VEZT: variants seen among roughly 807,000 people sequenced by gnomAD.
VEZT encodes vezatin, adherens junctions transmembrane protein.
A neutral mutation model predicts 79.9 loss-of-function variants in VEZT; 39 were observed. That is an observed-to-expected ratio of 0.49 (90% CI 0.38 to 0.64). The LOEUF (loss-of-function observed/expected upper bound fraction) is 0.64. Ranked by LOEUF, VEZT falls within the 30% of genes least tolerant of loss-of-function variation. VEZT has a pLI of 0.00. For missense variants in VEZT, 837 were observed against 893.1 expected, an observed-to-expected ratio of 0.94 and a Z score of 0.80; for synonymous variants, 325 against 327.6, an observed-to-expected ratio of 0.99 and a Z score of 0.09.
rs2075332920 is a variant in VEZT at position 95,302,638 on chromosome 12, G to T, written c.*1965G>T. 2 of 151,970 alleles carry T rather than the reference G, an allele frequency of 1.3e-5. No homozygotes were observed. The highest frequency in any genetic ancestry group is 4.2e-4 in the South Asian group (2 of 4,800). The allele number at this position is 151,970 out of a possible 1,614,324, so 9.4% of individuals were successfully genotyped here. ...TCTCTCATAATATTTGAAGTCAGTGGTTCTCAGTTGTATTAGTGGGGTAAC... is the reference window on the plus strand; with the variant it reads ...TCTCTCATAATATTTGAAGTCAGTGTTTCTCAGTTGTATTAGTGGGGTAAC... On this transcript the variant is annotated 3_prime_UTR_variant, in exon 12 of 12. Transcript: ENST00000436874.
In VEZT at chr12:95,287,824, G is replaced by C; in HGVS notation, c.1489G>C (p.Asp497His). The change falls in exon 9 of 12, where the codon GAC becomes CAC. Residue 497 changes from aspartate to histidine, a missense_variant. Physicochemically the swap from Asp to His is moderately conservative, Grantham distance 81. Coordinates refer to ENST00000436874, the MANE Select transcript of VEZT (RefSeq NM_017599.4). Reference sequence around the variant, plus strand: ...CTGGGAAGAGGCCATTTCTCAGGTCGACAAACTGCTACGAAGAAATACAGA... The same window carrying C: ...CTGGGAAGAGGCCATTTCTCAGGTCCACAAACTGCTACGAAGAAATACAGA... ...NCWEEAISQV[D>H]KLLRRNTDKK... 6.2e-7 allele frequency: 1 copy of C among 1,604,986 alleles called. No individual in the cohort carries two copies. The highest frequency in any genetic ancestry group is 1.1e-5 in the South Asian group (1 of 88,968).
At position 95,280,472 on chromosome 12, in the gene VEZT, A is replaced by G. The variant is rs551512822; in HGVS notation, c.997-1841A>G. Among the ~76,000 whole-genome samples, 3 of 108,152 alleles carry G rather than the reference A, an allele frequency of 2.8e-5. No homozygotes were observed. In the South Asian group the frequency reaches 9.9e-4, roughly 36 times the overall value. The allele number at this position is 108,152 out of a possible 152,430, so 71.0% of individuals were successfully genotyped here. The stretch of plus-strand genomic sequence containing the variant: ...CTCTCCCCCCCTTTCATATGTGTAC[A>G]CACACATACACACACACACACACAC... On this transcript the variant is annotated intron_variant, in intron 7 of 11. Transcript: ENST00000436874.
At chr12:95,284,403 C>T (rs949453708) in intron 8 of VEZT, among the ~76,000 whole-genome samples, 2 of 152,184 alleles carry the variant, frequency 1.3e-5, no homozygotes, top group South Asian at 2.1e-4. Flanking sequence ...ATTGTCTCTT[C>T]CCTACACTAG....
chr12:95,258,294 G>A, intron 3 of VEZT: 1 of 455,734 alleles, frequency 2.2e-6, no homozygotes, highest in South Asian at 1.6e-5. Context: ...TAAGGTATAT[G>A]GATCCATATA....
At chr12:95,218,080 TG>T in intron 1 of VEZT, 194 bp downstream of exon 1, 1 of 426,914 alleles carries the variant, frequency 2.3e-6, no homozygotes, top group Non-Finnish European at 4.1e-6. Flanking sequence ...GCCCTGGCCG[TG>T]GCCGGCCTCT....
intron 1 of VEZT, among the ~76,000 whole-genome samples, chr12:95,240,182 T>C (rs1304475883): frequency 6.6e-6 from 1 of 152,134 alleles, no homozygotes; most frequent in African/African-American, 2.4e-5. Flanking sequence ...TGTGGACCTG[T>C]AGTATTGATA....
intron 1 of VEZT, among the ~76,000 whole-genome samples, chr12:95,251,226 G>A (rs2062553784): frequency 2.0e-5 from 3 of 152,124 alleles, no homozygotes; most frequent in Admixed American, 6.5e-5. Flanking sequence ...GGCCAGGCTG[G>A]TCTGAAACTC....
At chr12:95,265,042 G>A (rs1019972753) in intron 4 of VEZT, among the ~76,000 whole-genome samples, 3 of 151,550 alleles carry the variant, frequency 2.0e-5, no homozygotes, top group Non-Finnish European at 2.9e-5. Context: ...TAAATTTTTT[G>A]TAGAGAAGGG....
In VEZT at chr12:95,300,782, A is replaced by T. The variant is rs2075126689; in HGVS notation, c.*109A>T. The T allele has an allele frequency of 4.4e-6, 6 of 1,356,084 alleles. No homozygotes were observed. In the South Asian group the frequency reaches 1.2e-4, roughly 26 times the overall value. The allele number at this position is 1,356,084 out of a possible 1,614,324, so 84.0% of individuals were successfully genotyped here. A position where few individuals can be genotyped will look rare whatever the true frequency, so the allele number is the denominator to read the frequency against. ...TAAGTTTACTATATATAAAGCTAAG[A>T]TGTGGATTTACAGGAAGAACCCTGG... On this transcript the variant is annotated 3_prime_UTR_variant, in exon 12 of 12. Transcript: ENST00000436874.
At chr12:95,275,192 C>G (rs536155295) in intron 7 of VEZT, among the ~76,000 whole-genome samples, 2 of 152,184 alleles carry the variant, frequency 1.3e-5, no homozygotes, top group Non-Finnish European at 2.9e-5. Context: ...GATTTTATAA[C>G]TAGCCATTTG....
intron 7 of VEZT, among the ~76,000 whole-genome samples, chr12:95,279,112 C>A (rs1181250572): frequency 6.6e-6 from 1 of 152,166 alleles, no homozygotes; most frequent in African/African-American, 2.4e-5. Flanking sequence ...ATTTCTTATC[C>A]AAAATGCTTG....
At chr12:95,232,433 T>A (rs1431275224) in intron 1 of VEZT, among the ~76,000 whole-genome samples, 1 of 152,210 alleles carries the variant, frequency 6.6e-6, no homozygotes, top group Non-Finnish European at 1.5e-5. Context: ...TTCTGTAACT[T>A]GGGAATGGAA....
At chr12:95,254,868 G>A (rs1279851555) in intron 2 of VEZT, among the ~76,000 whole-genome samples, 1 of 152,062 alleles carries the variant, frequency 6.6e-6, no homozygotes, top group Non-Finnish European at 1.5e-5. Flanking sequence ...ATGCTTGTTA[G>A]TAGTTGTTAA....
chr12:95,234,399 C>T (rs530803004), intron 1 of VEZT, among the ~76,000 whole-genome samples: 3 of 151,684 alleles, frequency 2.0e-5, no homozygotes, highest in South Asian at 4.2e-4. Context: ...AAGCGATTCT[C>T]CTGCCTCAGC....
intron 7 of VEZT, among the ~76,000 whole-genome samples, chr12:95,276,702 T>C (rs186112312): frequency 6.6e-6 from 1 of 152,334 alleles, no homozygotes; most frequent in East Asian, 1.9e-4. Context: ...AGTGCAAGTA[T>C]TGTTGTTAGC....
In VEZT at chr12:95,282,307, T is replaced by C. The variant is rs773167418; in HGVS notation, c.997-6T>C. The C allele has an allele frequency of 2.5e-6, 4 of 1,577,470 alleles. No homozygotes were observed. The East Asian group carries it at 6.7e-5, about 27-fold the overall frequency. On this transcript the variant is annotated splice_polypyrimidine_tract_variant and splice_region_variant and intron_variant, in intron 7 of 11. Coordinates refer to ENST00000436874, the MANE Select transcript of VEZT (RefSeq NM_017599.4). ...TGATCTAGTTCTTTTTTCTTTTTTC[T>C]TTAAGGTTTTGTTCCAACTCTGGGT...
chr12:95,274,127 C>A (rs1430903400), intron 6 of VEZT, among the ~76,000 whole-genome samples: 1 of 152,142 alleles, frequency 6.6e-6, no homozygotes, highest in Non-Finnish European at 1.5e-5. Context: ...GGCCCTGAAC[C>A]ATGACACAGT....
Position 95,217,846 on chromosome 12 carries a change from GA to G in VEZT, c.-3del. The G allele has an allele frequency of 6.5e-7, 1 of 1,541,514 alleles. No individual in the cohort carries two copies. The highest frequency in any genetic ancestry group is 2.2e-5 in the Admixed American group (1 of 45,740). On this transcript the variant is annotated 5_prime_UTR_variant, in exon 1 of 12. Transcript: ENST00000436874. ...GTGCTGAGGCGGGTGGCATGGCGGA[GA>G]AGGATGACACCGGAGTTTGACGAAG... is the stretch of plus-strand genomic sequence containing the variant.
intron 8 of VEZT, 46 bp from the exon 9 acceptor site, chr12:95,287,618 C>T (rs759809248): frequency 1.1e-5 from 15 of 1,395,682 alleles, no homozygotes; most frequent in Non-Finnish European, 1.4e-5. Flanking sequence ...ATAAATTTTT[C>T]ATTTCATATT....
Sources: gnomAD v4.1 joint callset for allele counts (sites outside exome capture counted in the v4.1 genomes callset) on GRCh38, gnomAD v4.1.1 for gene constraint, MANE v1.5 for transcripts, NCBI Gene and HGNC (gene_info 2026-07-23, HGNC 2026-07-21) for gene names.